PTPRG: variants seen among roughly 807,000 people sequenced by gnomAD.
The protein encoded by PTPRG is protein tyrosine phosphatase receptor type G.
In PTPRG, 102 loss-of-function variants were observed where a neutral mutation model predicts 165.3. The ratio of observed to expected loss-of-function variants is 0.62; its 90% CI spans 0.53 to 0.73. The LOEUF is 0.73. Among genes scored for constraint, PTPRG ranks in the 30% least tolerant of loss-of-function variants. The probability of loss-of-function intolerance (pLI) is 0.00; values close to 1 mark genes in which losing one functional copy is unlikely to be tolerated. For synonymous variants in PTPRG, 675 were observed against 669.5 expected (o/e 1.01, Z -0.13); for missense variants, 1,866 against 1,861.4 (o/e 1.00, Z -0.05).
intron 2 of PTPRG, among the ~76,000 whole-genome samples, chr3:61,956,498 T>G (rs780282357): frequency 4.6e-5 from 7 of 152,188 alleles, no homozygotes; most frequent in Non-Finnish European, 8.8e-5. Context: ...AGTTCCAGTT[T>G]GGTTAGTTTA....
chr3:62,142,709 C>T (rs1304708287), intron 6 of PTPRG, among the ~76,000 whole-genome samples: 2 of 152,114 alleles, frequency 1.3e-5, no homozygotes, highest in Admixed American at 6.5e-5. Context: ...CTCTGCCTGC[C>T]TTGGAATTGT....
intron 1 of PTPRG, among the ~76,000 whole-genome samples, chr3:61,564,453 G>C (rs948985844): frequency 6.6e-6 from 1 of 152,174 alleles, no homozygotes; most frequent in Non-Finnish European, 1.5e-5. Flanking sequence ...ACCAGCCTTC[G>C]TGGGGCTTGG....
chr3:62,174,504 GT>G (rs1306111414), intron 8 of PTPRG, among the ~76,000 whole-genome samples: 1 of 152,148 alleles, frequency 6.6e-6, no homozygotes, highest in African/African-American at 2.4e-5. Flanking sequence ...ATTGCTTCCT[GT>G]TTTGGTTAAA....
At chr3:61,787,867 G>A (rs987690608) in intron 2 of PTPRG, among the ~76,000 whole-genome samples, 2 of 152,222 alleles carry the variant, frequency 1.3e-5, no homozygotes, top group Admixed American at 6.5e-5. Flanking sequence ...GTTACCCAGT[G>A]GAGTCCTGTT....
chr3:61,714,975 G>A (rs755220274), intron 1 of PTPRG, among the ~76,000 whole-genome samples: 32 of 152,086 alleles, frequency 2.1e-4, no homozygotes, highest in Middle Eastern at 3.2e-3. Flanking sequence ...AATCAAATTT[G>A]AGTAACTCAG....
chr3:62,114,247 C>T (rs1702778471), intron 5 of PTPRG, among the ~76,000 whole-genome samples: 1 of 152,000 alleles, frequency 6.6e-6, no homozygotes. Context: ...TGTAGTGAGC[C>T]AAGATCGCAC....
At chr3:61,876,110 G>C (rs547925970) in intron 2 of PTPRG, among the ~76,000 whole-genome samples, 2 of 152,332 alleles carry the variant, frequency 1.3e-5, no homozygotes, top group East Asian at 1.9e-4. Flanking sequence ...GTAGTAATTA[G>C]AAGGGACATG....
chr3:61,921,912 A>G (rs1011530940), intron 2 of PTPRG, among the ~76,000 whole-genome samples: 2 of 152,214 alleles, frequency 1.3e-5, no homozygotes, highest in Non-Finnish European at 2.9e-5. Flanking sequence ...TAACATTTGT[A>G]CATGTCACCT....
intron 4 of PTPRG, among the ~76,000 whole-genome samples, chr3:62,050,045 T>C (rs1700421794): frequency 1.3e-5 from 2 of 152,104 alleles, no homozygotes; most frequent in South Asian, 4.1e-4. Flanking sequence ...GTTAGCAGTA[T>C]CAGAAAAAGG....
intron 7 of PTPRG, among the ~76,000 whole-genome samples, chr3:62,161,094 A>G (rs1704741943): frequency 6.6e-6 from 1 of 152,064 alleles, no homozygotes; most frequent in South Asian, 2.1e-4. Flanking sequence ...CTCCTCTGTA[A>G]CATCATGATG....
chr3:61,922,624 TTGC>T (rs1292512541), intron 2 of PTPRG, among the ~76,000 whole-genome samples: 1 of 152,332 alleles, frequency 6.6e-6, no homozygotes, highest in East Asian at 1.9e-4. Flanking sequence ...GTCATATAAC[TTGC>T]TCCTTAGCTC....
chr3:61,902,719 C>T (rs1457044830), intron 2 of PTPRG, among the ~76,000 whole-genome samples: 3 of 152,212 alleles, frequency 2.0e-5, no homozygotes, highest in Admixed American at 2.0e-4. Context: ...ACTGTCTTCT[C>T]TCAGCCCTCT....
chr3:61,730,478 G>T (rs1390544698), intron 1 of PTPRG, among the ~76,000 whole-genome samples: 1 of 152,194 alleles, frequency 6.6e-6, no homozygotes, highest in East Asian at 1.9e-4. Context: ...GAGGTTCATT[G>T]TTAATGATTT....
intron 2 of PTPRG, among the ~76,000 whole-genome samples, chr3:61,841,364 T>C (rs1424177939): frequency 2.6e-5 from 4 of 152,212 alleles, no homozygotes; most frequent in African/African-American, 9.6e-5. Context: ...AAGAGCCTGT[T>C]GCTCTCTTTA....
At chr3:62,215,546 A>ACC (rs35317755) in intron 12 of PTPRG, among the ~76,000 whole-genome samples, 901 of 63,774 alleles carry the variant, frequency 0.014, 47 homozygotes, top group Non-Finnish European at 0.017. Flanking sequence ...CCCTACGGGA[A>ACC]CCCCCCCCCC....
At chr3:61,667,941 T>C (rs1006281327) in intron 1 of PTPRG, among the ~76,000 whole-genome samples, 3 of 152,176 alleles carry the variant, frequency 2.0e-5, no homozygotes, top group African/African-American at 7.2e-5. Context: ...AAATAAAGTT[T>C]TATTGGTCAA....
In PTPRG at chr3:62,224,189, C is replaced by T. The variant is rs1208722389; in HGVS notation, c.2288+5206C>T. ...CACTCCCACCCGCAACCCCAGGAAA[C>T]AACTCTGAAGCCCAGTGGCCAGCCT... On this transcript the variant is annotated intron_variant, in intron 13 of 29. Transcript: ENST00000474889. This position sits in a 1 kb window ranked among gnomAD's most constrained non-coding sequence, Gnocchi z 4.9. Among the ~76,000 whole-genome samples the T allele has an allele frequency of 6.6e-6, 1 of 152,298 alleles. No individual in the cohort carries two copies. The highest frequency in any genetic ancestry group is 2.4e-5 in the African/African-American group (1 of 41,550).
chr3:61,849,998 A>G lies in PTPRG; in HGVS notation c.190+101016A>G, dbSNP rs182229193. On this transcript the variant is annotated intron_variant, in intron 2 of 29. Coordinates refer to ENST00000474889, the MANE Select transcript of PTPRG (RefSeq NM_002841.4). ...TCTGGGCGAAAAGTTGAAATGTTTC[A>G]TACAAACCTCATTTCCTTGTTTCCT... Among the ~76,000 whole-genome samples, 80 of 152,270 alleles carry G rather than the reference A, an allele frequency of 5.3e-4. 2 individuals are homozygous for G. The highest frequency in any genetic ancestry group is 1.9e-3 in the African/African-American group (78 of 41,548).
chr3:61,578,890 C>T (rs114843780), intron 1 of PTPRG, among the ~76,000 whole-genome samples: 253 of 152,314 alleles, frequency 1.7e-3, no homozygotes, highest in African/African-American at 5.8e-3. Flanking sequence ...GACACATGCC[C>T]TTTGTTTGGT....
Sources: allele counts gnomAD v4.1 joint callset (sites outside exome capture counted in the v4.1 genomes callset), GRCh38; gene constraint gnomAD v4.1.1; non-coding constraint Gnocchi (gnomAD v3.1); transcripts MANE v1.5; gene names NCBI Gene and HGNC (gene_info 2026-07-23, HGNC 2026-07-21).